The following TMEM116 variants were observed in gnomAD, a reference collection of about 807,000 sequenced individuals.
TMEM116 encodes transmembrane protein 116.
A neutral mutation model predicts 44.3 loss-of-function variants in TMEM116; 38 were observed. The ratio of observed to expected loss-of-function variants is 0.86; its 90% CI spans 0.66 to 1.12. The LOEUF (loss-of-function observed/expected upper bound fraction) is 1.12, where lower values mean the gene tolerates loss of function less well. Ranked by LOEUF, TMEM116 falls within the 50% of genes most tolerant of loss-of-function variation. The pLI is 0.00. For missense variants in TMEM116, 354 were observed against 401.7 expected, an observed-to-expected ratio of 0.88 and a Z score of 1.01; for synonymous variants, 132 against 144.8, an observed-to-expected ratio of 0.91 and a Z score of 0.64.
chr12:111,980,263 A>G (rs1209013533), intron 4 of TMEM116, among the ~76,000 whole-genome samples: 1 of 152,226 alleles, frequency 6.6e-6, no homozygotes, highest in Admixed American at 6.5e-5. Context: ...TAAGACACTA[A>G]AAGACCTGGA....
chr12:112,006,471 T>TTA (rs1310666122), intron 1 of TMEM116, among the ~76,000 whole-genome samples: 1 of 152,252 alleles, frequency 6.6e-6, no homozygotes, highest in Non-Finnish European at 1.5e-5. Flanking sequence ...TTCACTCAGT[T>TTA]AATAAAGTTT....
At chr12:111,983,356 A>G (rs2076051901) in intron 4 of TMEM116, among the ~76,000 whole-genome samples, 1 of 152,020 alleles carries the variant, frequency 6.6e-6, no homozygotes, top group African/African-American at 2.4e-5. Flanking sequence ...GAATCGCTTG[A>G]GCCTGGGAGG....
chr12:111,977,571 GA>G (rs1209730695), intron 4 of TMEM116, among the ~76,000 whole-genome samples: 1 of 151,946 alleles, frequency 6.6e-6, no homozygotes, highest in African/African-American at 2.4e-5. Flanking sequence ...AAGTTCTTCA[GA>G]AAGAATGAAA....
At chr12:112,005,862 A>T (rs1295875147) in intron 1 of TMEM116, 1 of 919,970 alleles carries the variant, frequency 1.1e-6, no homozygotes, top group East Asian at 1.2e-4. Flanking sequence ...AGTTAGTAGT[A>T]TGAAAAGAGA....
At chr12:111,987,642 A>G (rs562956172) in intron 4 of TMEM116, among the ~76,000 whole-genome samples, 2 of 152,294 alleles carry the variant, frequency 1.3e-5, no homozygotes, top group East Asian at 3.9e-4. Context: ...GCACAATGAG[A>G]TACCACTTTA....
intron 4 of TMEM116, among the ~76,000 whole-genome samples, chr12:111,980,692 G>A (rs2339908): frequency 0.2 from 29,759 of 152,104 alleles, 3,128 homozygotes; most frequent in Middle Eastern, 0.27. Flanking sequence ...AGGGAACTCT[G>A]TAGTATTTGC....
At chr12:111,993,498 C>T (rs2076741101) in intron 3 of TMEM116, 1 of 546,128 alleles carries the variant, frequency 1.8e-6, no homozygotes, top group Admixed American at 2.1e-5. Context: ...TCTGCCAGTG[C>T]TGAATTCTTT....
intron 3 of TMEM116, among the ~76,000 whole-genome samples, chr12:111,994,308 C>T (rs1195664328): frequency 1.3e-5 from 2 of 152,042 alleles, no homozygotes; most frequent in African/African-American, 4.8e-5. Context: ...AGAACTTGCC[C>T]CACCTCATCT....
At chr12:112,011,870 T>C (rs2077857040) in intron 1 of TMEM116, 1 of 152,218 alleles carries the variant, frequency 6.6e-6, no homozygotes, top group Non-Finnish European at 1.5e-5. Context: ...GGCTAATTTT[T>C]CTACTTATTG....
intron 8 of TMEM116, chr12:111,934,684 G>C (rs2071984606): frequency 6.6e-6 from 1 of 152,042 alleles, no homozygotes; most frequent in Admixed American, 6.6e-5. Context: ...CTTGAACCTG[G>C]GAGGCAGAGG....
At chr12:111,956,550 C>T (rs1376858207) in intron 4 of TMEM116, among the ~76,000 whole-genome samples, 67 of 152,310 alleles carry the variant, frequency 4.4e-4, no homozygotes. Flanking sequence ...TGCACGGTCT[C>T]CCTCTAATGC....
Position 111,944,951 on chromosome 12 carries a change from T to C in TMEM116, c.211-1582A>G, listed in dbSNP as rs1267707764. Among the ~76,000 whole-genome samples the C allele has an allele frequency of 2.0e-5, 3 of 151,928 alleles. 1 individual carries two copies. The highest frequency in any genetic ancestry group is 1.3e-4 in the Admixed American group (2 of 15,236). On this transcript the variant is annotated intron_variant, in intron 4 of 10. Transcript: ENST00000552374. The stretch of plus-strand genomic sequence containing the variant: ...ATTAGTGGGGGTGGTGGTGTATGCC[T>C]GTAATCCCAGCTACCCTGGAGCCTG...
intron 10 of TMEM116, 89 bp downstream of exon 10, chr12:111,932,497 G>A: frequency 8.9e-7 from 1 of 1,121,512 alleles, no homozygotes; most frequent in East Asian, 2.4e-5. Context: ...TACCCGGAGG[G>A]AAAAAATCAT....
chr12:111,984,147 C>A (rs2136552090), intron 4 of TMEM116, among the ~76,000 whole-genome samples: 1 of 151,732 alleles, frequency 6.6e-6, no homozygotes, highest in South Asian at 2.1e-4. Flanking sequence ...AAAAAAAGCC[C>A]ACCCAAAAAA....
intron 4 of TMEM116, among the ~76,000 whole-genome samples, chr12:111,967,860 C>T (rs934150617): frequency 2.0e-4 from 30 of 152,086 alleles, no homozygotes; most frequent in Non-Finnish European, 3.8e-4. Context: ...CATCAGACAA[C>T]AAAGGGCAAT....
intron 4 of TMEM116, among the ~76,000 whole-genome samples, chr12:111,985,254 T>C (rs940087397): frequency 4.0e-5 from 6 of 149,368 alleles, no homozygotes; most frequent in Admixed American, 2.7e-4. Flanking sequence ...AACACGATCT[T>C]ATATGTAGAA....
intron 4 of TMEM116, among the ~76,000 whole-genome samples, chr12:111,970,616 T>G (rs1478056177): frequency 2.7e-5 from 4 of 147,230 alleles, no homozygotes; most frequent in African/African-American, 1.0e-4. Context: ...AGACGGAGTC[T>G]CGCTCTGTCA....
chr12:111,991,772 G>A lies in TMEM116; in HGVS notation c.196C>T (p.Gln66Ter), dbSNP rs1227380921. ...GTAGCACTCACCTGTCCAACTGCTT[G>A]TAGGTTATAGCAGATGATGTCCTTA... is the stretch of plus-strand genomic sequence containing the variant. ...ANKDIICYNL[Q>*]AVGQIFYISS... Residue 66 changes from glutamine (Q) to a stop codon, truncating the protein, a stop_gained, in exon 4 of 11, where the codon CAA becomes TAA. Coordinates refer to ENST00000552374, the MANE Select transcript of TMEM116 (RefSeq NM_001193531.2). LOFTEE classifies it high-confidence loss of function. The A allele has an allele frequency of 6.5e-7, 1 of 1,535,170 alleles. No individual in the cohort carries two copies. The highest frequency in any genetic ancestry group is 8.7e-7 in the Non-Finnish European group (1 of 1,146,282).
At chr12:111,975,267 G>T (rs2075602922) in intron 4 of TMEM116, among the ~76,000 whole-genome samples, 1 of 152,184 alleles carries the variant, frequency 6.6e-6, no homozygotes, top group Non-Finnish European at 1.5e-5. Context: ...ACCTCAGTCA[G>T]CCTCTTGAGT....
Sources: gnomAD v4.1 joint callset for allele counts (sites outside exome capture counted in the v4.1 genomes callset) on GRCh38, gnomAD v4.1.1 for gene constraint, MANE v1.5 for transcripts, NCBI Gene and HGNC (gene_info 2026-07-23, HGNC 2026-07-21) for gene names.